The following DYRK1A variants were observed in gnomAD, a reference collection of about 807,000 sequenced individuals.
DYRK1A encodes the protein dual specificity tyrosine phosphorylation regulated kinase 1A, also known as dual specificity tyrosine-phosphorylation-regulated kinase 1A.
A neutral mutation model predicts 79.7 loss-of-function variants in DYRK1A; 9 were observed. That is an observed-to-expected ratio of 0.11 (90% CI 0.07 to 0.20). The LOEUF (loss-of-function observed/expected upper bound fraction) is 0.20. Ranked by LOEUF, DYRK1A falls within the 10% of genes least tolerant of loss-of-function variation. The pLI is 1.00. For missense variants in DYRK1A, 622 were observed against 956.0 expected (o/e 0.65, Z 4.61); for synonymous variants, 349 against 329.7 (o/e 1.06, Z -0.63).
intron 11 of DYRK1A, 110 bp downstream of exon 11, chr21:37,506,333 T>A: frequency 6.3e-7 from 1 of 1,597,958 alleles, no homozygotes; most frequent in Non-Finnish European, 8.5e-7. Context: ...TAGAGGTTCA[T>A]GACGTTCCTG....
intron 2 of DYRK1A, among the ~76,000 whole-genome samples, chr21:37,452,466 C>A (rs998150026): frequency 1.3e-5 from 2 of 152,114 alleles, no homozygotes; most frequent in Non-Finnish European, 2.9e-5. Context: ...TCAAACTTGG[C>A]GCTACTGCCT....
chr21:37,383,603 G>C (rs1263597866), intron 1 of DYRK1A, among the ~76,000 whole-genome samples: 1 of 152,150 alleles, frequency 6.6e-6, no homozygotes, highest in African/African-American at 2.4e-5. Context: ...GAAATACTTA[G>C]AAACCTGTTT....
chr21:37,471,911 ATCT>A (rs2052237999), intron 2 of DYRK1A, among the ~76,000 whole-genome samples: 1 of 152,200 alleles, frequency 6.6e-6, no homozygotes, highest in Non-Finnish European at 1.5e-5. Context: ...TTTAAGAAAA[ATCT>A]TTTTTTTATC....
chr21:37,485,450 C>T (rs894797874), intron 5 of DYRK1A, among the ~76,000 whole-genome samples: 1 of 152,144 alleles, frequency 6.6e-6, no homozygotes, highest in Non-Finnish European at 1.5e-5. Flanking sequence ...TTGAGCCATT[C>T]AGAATCTGTC....
chr21:37,413,803 TAAAAG>T (rs1237472211), intron 1 of DYRK1A, among the ~76,000 whole-genome samples: 1 of 152,120 alleles, frequency 6.6e-6, no homozygotes, highest in Non-Finnish European at 1.5e-5. Flanking sequence ...GTAGGTGACA[TAAAAG>T]AACATCCTTA....
chr21:37,478,327 T>G, intron 4 of DYRK1A, 27 bp downstream of exon 4: 1 of 1,605,522 alleles, frequency 6.2e-7, no homozygotes, highest in Non-Finnish European at 8.5e-7. Context: ...TATAATAACA[T>G]CTATCTTGCA....
At chr21:37,451,475 A>G (rs536780198) in intron 2 of DYRK1A, among the ~76,000 whole-genome samples, 133 of 150,096 alleles carry the variant, frequency 8.9e-4, no homozygotes, top group Non-Finnish European at 1.7e-3. Flanking sequence ...TACCTTTTCC[A>G]TGCCTATAGC....
At chr21:37,366,582 G>T (rs994512028), upstream of DYRK1A, among the ~76,000 whole-genome samples, 3 of 150,824 alleles carry the variant, frequency 2.0e-5, no homozygotes, top group African/African-American at 4.9e-5. Context: ...CCCGAGCTCC[G>T]AATTTATCCT....
intron 2 of DYRK1A, among the ~76,000 whole-genome samples, chr21:37,434,251 A>T (rs781465397): frequency 1.3e-5 from 2 of 152,200 alleles, no homozygotes; most frequent in African/African-American, 4.8e-5. Context: ...TAGACACTCT[A>T]TGGAAAAATA....
intron 2 of DYRK1A, among the ~76,000 whole-genome samples, chr21:37,469,298 A>AC (rs1343947835): frequency 6.6e-6 from 1 of 152,260 alleles, no homozygotes; most frequent in Non-Finnish European, 1.5e-5. Context: ...CAAGAAGCTT[A>AC]CAAGTGGCAG....
At chr21:37,505,800 A>G (rs1884458861) in intron 10 of DYRK1A, among the ~76,000 whole-genome samples, 1 of 152,252 alleles carries the variant, frequency 6.6e-6, no homozygotes, top group African/African-American at 2.4e-5. Context: ...GCAGTTGGAA[A>G]TCTGTTTACT....
intron 3 of DYRK1A, among the ~76,000 whole-genome samples, chr21:37,477,483 G>GC (rs2052442184): frequency 6.6e-6 from 1 of 152,160 alleles, no homozygotes; most frequent in Admixed American, 6.5e-5. Flanking sequence ...GGGGGTGCAT[G>GC]CCCCTGCTCT....
In DYRK1A at chr21:37,505,161, A is replaced by G. The variant is rs546531168; in HGVS notation, c.1213-122A>G. 4.4e-5 allele frequency: 33 copies of G among 753,602 alleles called. No homozygotes were observed. The African/African-American group carries it at 5.0e-4, about 11-fold the overall frequency. 46.7% of individuals were successfully genotyped at this position (753,602 alleles called of 1,614,324 possible). ...GTGTGAAAAGGCAGAGGATTTAACT[A>G]TGAAGTGTCCTTTTTAATAAAGGCC... On this transcript the variant is annotated intron_variant, in intron 9 of 11. Transcript: ENST00000647188.
At chr21:37,506,394 C>T (rs1357355981) in intron 11 of DYRK1A, 171 bp downstream of exon 11, 1 of 1,522,110 alleles carries the variant, frequency 6.6e-7, no homozygotes, top group Non-Finnish European at 8.9e-7. Context: ...TTGCAGTTTT[C>T]CTCCTCCTTG....
intron 3 of DYRK1A, among the ~76,000 whole-genome samples, chr21:37,474,442 A>G (rs2052329871): frequency 6.6e-6 from 1 of 152,218 alleles, no homozygotes; most frequent in Admixed American, 6.5e-5. Flanking sequence ...TTTCTGCCAA[A>G]ATCCAAAAAT....
chr21:37,383,916 C>CT lies in DYRK1A; in HGVS notation c.-77+16292dup, dbSNP rs144788981. The stretch of plus-strand genomic sequence containing the variant: ...TCAGTGTCAGGAATCATGGCTTCTG[C>CT]TTTTGACTATTCTGAATTTGCCTTC... On this transcript the variant is annotated intron_variant, in intron 1 of 11. Coordinates refer to ENST00000647188, the MANE Select transcript of DYRK1A (RefSeq NM_001347721.2). Among the ~76,000 whole-genome samples the CT allele has an allele frequency of 1.4e-3, 220 of 152,036 alleles. 4 individuals are homozygous for CT. In the East Asian group the frequency reaches 0.021, roughly 14 times the overall value.
In DYRK1A at chr21:37,511,951, C is replaced by G. The variant is rs746617310; in HGVS notation, c.1685C>G (p.Thr562Ser). The change falls in exon 12 of 12, where the codon ACT becomes AGT. Residue 562 changes from threonine (T) to serine (S), a missense_variant. Coordinates refer to ENST00000647188, the MANE Select transcript of DYRK1A (RefSeq NM_001347721.2). ...CCTGCTCCTCTTGGTTGGTCAGGCACTGAAGCTCCTACACAGGTCACTGTT... is the reference window on the plus strand; with the variant it reads ...CCTGCTCCTCTTGGTTGGTCAGGCAGTGAAGCTCCTACACAGGTCACTGTT... ...QFPAPLGWSG[T>S]EAPTQVTVET... 5.6e-6 allele frequency: 9 copies of G among 1,614,170 alleles called. No individual in the cohort carries two copies. In the East Asian group the frequency reaches 1.8e-4, roughly 32 times the overall value.
intron 7 of DYRK1A, 71 bp from the exon 8 acceptor site, chr21:37,492,946 C>G (rs1354555993): frequency 7.8e-7 from 1 of 1,278,180 alleles, no homozygotes; most frequent in Non-Finnish European, 1.1e-6. Flanking sequence ...AATATCAGAT[C>G]AATGTTTTTA....
At chr21:37,454,980 C>T (rs1014616810) in intron 2 of DYRK1A, among the ~76,000 whole-genome samples, 15 of 148,544 alleles carry the variant, frequency 1.0e-4, no homozygotes, top group South Asian at 2.1e-4. Context: ...ATGTCAAAGC[C>T]GGTAGTGATT....
Sources: allele counts gnomAD v4.1 joint callset (sites outside exome capture counted in the v4.1 genomes callset), GRCh38; gene constraint gnomAD v4.1.1; transcripts MANE v1.5; gene names NCBI Gene and HGNC (gene_info 2026-07-23, HGNC 2026-07-21).